Variants in TRPM1 observed in about 807,000 individuals in gnomAD.
TRPM1 encodes transient receptor potential cation channel subfamily M member 1.
Under a neutral mutation model 149.4 loss-of-function variants are expected in TRPM1, and 113 were observed. The observed-to-expected ratio is 0.76, with a 90% confidence interval of 0.65 to 0.88. TRPM1 has a LOEUF of 0.88. Among genes scored for constraint, TRPM1 ranks in the 40% least tolerant of loss-of-function variants. TRPM1 has a pLI of 0.00. For missense variants in TRPM1, 1,976 were observed against 2,038.7 expected (o/e 0.97, Z 0.59); for synonymous variants, 741 against 759.5 (o/e 0.98, Z 0.40).
intron 1 of TRPM1, among the ~76,000 whole-genome samples, chr15:31,099,689 C>G (rs1567054736): frequency 6.6e-6 from 1 of 152,176 alleles, no homozygotes; most frequent in Admixed American, 6.5e-5. Context: ...ATCAATAAAA[C>G]ATAAACAGGT....
intron 11 of TRPM1, among the ~76,000 whole-genome samples, chr15:31,059,417 T>C (rs1384308159): frequency 1.3e-5 from 2 of 152,208 alleles, no homozygotes; most frequent in African/African-American, 2.4e-5. Context: ...TTTTGTTTTA[T>C]GTTTTAGAGA....
chr15:31,112,247 G>A (rs1489000178), intron 1 of TRPM1, among the ~76,000 whole-genome samples: 1 of 152,188 alleles, frequency 6.6e-6, no homozygotes, highest in East Asian at 1.9e-4. Context: ...AGGAGGCCGA[G>A]GTGGGTGGAT....
chr15:31,115,261 A>C (rs575658337), intron 1 of TRPM1, among the ~76,000 whole-genome samples: 1 of 152,308 alleles, frequency 6.6e-6, no homozygotes, highest in South Asian at 2.1e-4. Flanking sequence ...CTGTCTAAAA[A>C]ATAATAATAA....
intron 27 of TRPM1, among the ~76,000 whole-genome samples, chr15:31,022,202 A>G (rs1364639187): frequency 1.3e-5 from 2 of 152,216 alleles, no homozygotes; most frequent in Admixed American, 6.5e-5. Flanking sequence ...CAAAGAGAAC[A>G]GTGTGCTCCG....
intron 1 of TRPM1, among the ~76,000 whole-genome samples, chr15:31,082,718 T>G (rs1362158498): frequency 2.6e-5 from 4 of 152,158 alleles, no homozygotes; most frequent in African/African-American, 9.7e-5. Context: ...GAAAGAAATA[T>G]CTGCTACAAA....
At chr15:31,065,995 G>C in intron 7 of TRPM1, 81 bp downstream of exon 7, 3 of 1,517,566 alleles carry the variant, frequency 2.0e-6, no homozygotes, top group Non-Finnish European at 2.7e-6. Context: ...AATCCCCTTG[G>C]GCAATCAATC....
At chr15:31,105,627 T>G (rs560345921), upstream of TRPM1, among the ~76,000 whole-genome samples, 1 of 152,378 alleles carries the variant, frequency 6.6e-6, no homozygotes, top group South Asian at 2.1e-4. Flanking sequence ...CATTAAAAGC[T>G]TTCTCTTTTG....
intron 1 of TRPM1, among the ~76,000 whole-genome samples, chr15:31,124,121 T>TA (rs911255904): frequency 2.0e-5 from 3 of 151,986 alleles, no homozygotes; most frequent in African/African-American, 7.3e-5. Flanking sequence ...TCATCTCTAC[T>TA]AAAAAATACA....
intron 1 of TRPM1, among the ~76,000 whole-genome samples, chr15:31,137,100 T>C (rs1431741333): frequency 6.6e-6 from 1 of 152,222 alleles, no homozygotes; most frequent in Non-Finnish European, 1.5e-5. Flanking sequence ...CCAAGGTTAA[T>C]TTGTGCTGTG....
chr15:31,092,559 C>T (rs948335100), intron 1 of TRPM1, among the ~76,000 whole-genome samples: 1 of 152,198 alleles, frequency 6.6e-6, no homozygotes, highest in Non-Finnish European at 1.5e-5. Context: ...TGCTTTTGAG[C>T]CTTCCCCTTT....
chr15:31,125,003 G>A (rs1232594943), intron 1 of TRPM1, among the ~76,000 whole-genome samples: 2 of 151,850 alleles, frequency 1.3e-5, no homozygotes, highest in Admixed American at 6.6e-5. Context: ...GTGAAACCCC[G>A]TCTCTTTCAA....
At chr15:31,151,285 C>T (rs2036299960) in intron 1 of TRPM1, among the ~76,000 whole-genome samples, 2 of 152,204 alleles carry the variant, frequency 1.3e-5, no homozygotes, top group Non-Finnish European at 2.9e-5. Context: ...TTTACCGTCA[C>T]TCCCAACTGG....
chr15:31,124,352 A>T (rs538854532), intron 1 of TRPM1, among the ~76,000 whole-genome samples: 1 of 152,306 alleles, frequency 6.6e-6, no homozygotes, highest in South Asian at 2.1e-4. Flanking sequence ...GATATTGCTT[A>T]GTCAAAGAAA....
chr15:31,153,388 G>A (rs779148068), intron 1 of TRPM1, among the ~76,000 whole-genome samples: 2 of 152,170 alleles, frequency 1.3e-5, no homozygotes, highest in African/African-American at 2.4e-5. Context: ...ACAGTGGTGT[G>A]ATCTTGGCTC....
intron 3 of TRPM1, among the ~76,000 whole-genome samples, chr15:31,076,526 G>T (rs938166012): frequency 2.0e-5 from 3 of 152,070 alleles, no homozygotes; most frequent in African/African-American, 4.8e-5. Context: ...TCATTCAACC[G>T]CTCAGATCTT....
chr15:31,088,460 G>A (rs1377127746), intron 1 of TRPM1, among the ~76,000 whole-genome samples: 1 of 152,170 alleles, frequency 6.6e-6, no homozygotes, highest in African/African-American at 2.4e-5. Flanking sequence ...ACGGTATGTG[G>A]CTTCACTCCT....
At chr15:31,018,598 C>T (rs1199000395) in intron 27 of TRPM1, among the ~76,000 whole-genome samples, 1 of 152,146 alleles carries the variant, frequency 6.6e-6, no homozygotes, top group Non-Finnish European at 1.5e-5. Context: ...CTCTCTAACT[C>T]CTGACCTCAG....
intron 1 of TRPM1, among the ~76,000 whole-genome samples, chr15:31,140,230 T>A (rs370244398): frequency 1.5e-5 from 2 of 133,960 alleles, no homozygotes; most frequent in African/African-American, 2.8e-5. Context: ...AAAAAAAAAA[T>A]TAGCCGGGCA....
In TRPM1 at chr15:31,062,991, G is replaced by C. The variant is rs74819688; in HGVS notation, c.965+127C>G. The C allele has an allele frequency of 2.1e-3, 2,693 of 1,309,414 alleles. 53 individuals are homozygous for C. The African/African-American group carries it at 0.036, about 17-fold the overall frequency. 81.1% of individuals were successfully genotyped at this position (1,309,414 alleles called of 1,614,324 possible). On this transcript the variant is annotated intron_variant, in intron 8 of 27. Coordinates refer to ENST00000256552, the MANE Select transcript of TRPM1 (RefSeq NM_001252024.2). ...ATGCTGACCTGAGGAAATGGGAGAGGAGATCTAGCAAATCTTCCTGATTTA... is the reference window on the plus strand; with the variant it reads ...ATGCTGACCTGAGGAAATGGGAGAGCAGATCTAGCAAATCTTCCTGATTTA...
Sources: gnomAD v4.1 joint callset for allele counts (sites outside exome capture counted in the v4.1 genomes callset) on GRCh38, gnomAD v4.1.1 for gene constraint, MANE v1.5 for transcripts, NCBI Gene and HGNC (gene_info 2026-07-23, HGNC 2026-07-21) for gene names.